TMEM170A: variants seen among roughly 807,000 people sequenced by gnomAD.
TMEM170A encodes transmembrane protein 170A.
Under a neutral mutation model 12.8 loss-of-function variants are expected in TMEM170A, and 18 were observed. The ratio of observed to expected loss-of-function variants is 1.41; its 90% CI spans 0.97 to 2.09. The LOEUF (loss-of-function observed/expected upper bound fraction) is 2.09, where lower values mean the gene tolerates loss of function less well. Ranked by LOEUF, TMEM170A falls within the 30% of genes most tolerant of loss-of-function variation. TMEM170A has a pLI of 0.00. For synonymous variants in TMEM170A, 107 were observed against 76.2 expected (o/e 1.40, Z -2.11); for missense variants, 220 against 179.9 (o/e 1.22, Z -1.28).
rs370034928 is a variant in TMEM170A, at chr16:75,463,822, A to C, written c.133+646T>G. ...CAACCCTCCTAGCAGGCCCAGCTCAAGCCGCAGCGGGGAGGAAGAGTTCAA... is the reference window on the plus strand; with the variant it reads ...CAACCCTCCTAGCAGGCCCAGCTCACGCCGCAGCGGGGAGGAAGAGTTCAA... On this transcript the variant is annotated intron_variant, in intron 1 of 2. Transcript: ENST00000561878. Among the ~76,000 whole-genome samples, 15 of 152,328 alleles carry C rather than the reference A, an allele frequency of 9.8e-5. No individual in the cohort carries two copies. The East Asian group carries it at 2.3e-3, about 23-fold the overall frequency.
intron 1 of TMEM170A, 93 bp downstream of exon 1, chr16:75,464,375 G>A: frequency 7.3e-7 from 1 of 1,378,614 alleles, no homozygotes; most frequent in Non-Finnish European, 9.4e-7. Flanking sequence ...CCAGCAGGCT[G>A]CGCACCCGGG....
At chr16:75,462,279 G>A (rs756020872) in intron 1 of TMEM170A, among the ~76,000 whole-genome samples, 78 of 152,202 alleles carry the variant, frequency 5.1e-4, no homozygotes, top group Non-Finnish European at 8.5e-4. Context: ...AAGTGCAGTG[G>A]CGCAATCTTG....
At chr16:75,458,116 C>T (rs1381516950) in intron 1 of TMEM170A, 1 of 152,192 alleles carries the variant, frequency 6.6e-6, no homozygotes, top group Non-Finnish European at 1.5e-5. Context: ...AAAACTCTCT[C>T]AAATCTTTGT....
At chr16:75,451,965 T>G in intron 1 of TMEM170A, 126 bp from the exon 2 acceptor site, 1 of 874,238 alleles carries the variant, frequency 1.1e-6, no homozygotes, top group South Asian at 2.0e-5. Context: ...TTTTGAAAAA[T>G]TTTTATTATT....
chr16:75,452,848 TAC>T (rs1199269879), intron 1 of TMEM170A, among the ~76,000 whole-genome samples: 1 of 152,248 alleles, frequency 6.6e-6, no homozygotes, highest in Non-Finnish European at 1.5e-5. Context: ...ACCTGTTTTT[TAC>T]ACACTTATCT....
intron 1 of TMEM170A, among the ~76,000 whole-genome samples, chr16:75,462,019 T>A (rs1006252830): frequency 2.6e-5 from 4 of 152,210 alleles, no homozygotes; most frequent in African/African-American, 7.2e-5. Flanking sequence ...TTCCAACTTA[T>A]GACCCTACAT....
intron 1 of TMEM170A, among the ~76,000 whole-genome samples, chr16:75,459,388 C>A (rs117653014): frequency 1.3e-5 from 2 of 152,166 alleles, no homozygotes; most frequent in Non-Finnish European, 2.9e-5. Context: ...CCCCAAATGG[C>A]AGCAATGCAA....
intron 2 of TMEM170A, chr16:75,451,340 A>C (rs2079677524): frequency 2.4e-6 from 1 of 413,464 alleles, no homozygotes; most frequent in Non-Finnish European, 4.3e-6. Context: ...GCTTGAGCTC[A>C]GGAGTTCGAG....
chr16:75,449,989 A>G lies in TMEM170A; in HGVS notation c.304+1680T>C, dbSNP rs374444525. Among the ~76,000 whole-genome samples, 6 of 152,294 alleles carry G rather than the reference A, an allele frequency of 3.9e-5. No homozygotes were observed. The East Asian group carries it at 1.2e-3, about 29-fold the overall frequency. On this transcript the variant is annotated intron_variant, in intron 2 of 2. Coordinates refer to ENST00000561878, the MANE Select transcript of TMEM170A (RefSeq NM_145254.3). ...ATACAACATTTATTCGACAATTACT[A>G]TGTGTCAGGTATTACATCATATACA...
chr16:75,445,974 A>C lies in TMEM170A; in HGVS notation c.*1584T>G, dbSNP rs2079578414. On this transcript the variant is annotated 3_prime_UTR_variant, in exon 3 of 3. Transcript: ENST00000561878. ...GGGTGGATCACAAGGTCAGGAGTTC[A>C]AGACCAGCCTGGGCAAGATGGTGAA... 1 of 152,054 alleles carries C rather than the reference A, an allele frequency of 6.6e-6. No homozygotes were observed. Among genetic ancestry groups the C allele is most frequent in the Non-Finnish European group, 1.5e-5 (1 of 68,024 alleles). 9.4% of individuals were successfully genotyped at this position (152,054 alleles called of 1,614,324 possible). A position where few individuals can be genotyped will look rare whatever the true frequency, so the allele number is the denominator to read the frequency against.
Position 75,445,469 on chromosome 16 carries a change from T to A in TMEM170A, c.*2089A>T, listed in dbSNP as rs975303311. On this transcript the variant is annotated 3_prime_UTR_variant, in exon 3 of 3. Transcript: ENST00000561878. The stretch of plus-strand genomic sequence containing the variant: ...AGGCCACGCCCAGCTAATTTTTTTT[T>A]ATTTTGTAGTAGAGACAAGGTCTCA... 6.6e-6 allele frequency: 1 copy of A among 152,088 alleles called. No homozygotes were observed. The highest frequency in any genetic ancestry group is 1.5e-5 in the Non-Finnish European group (1 of 68,042). 9.4% of individuals were successfully genotyped at this position (152,088 alleles called of 1,614,324 possible). A position where few individuals can be genotyped will look rare whatever the true frequency, so the allele number is the denominator to read the frequency against.
chr16:75,447,682 G>C lies in TMEM170A; in HGVS notation c.311C>G (p.Ala104Gly), dbSNP rs756078139. ...TGCTGCTCGGTAAACTCCAGCAATA[G>C]CTGCACCTGATTTAAAATGCAAGAA... ...PITAGILTSA[A>G]IAGVYRAAGK... is the part of the protein sequence containing the mutation. Residue 104 changes from alanine to glycine, a missense_variant, in exon 3 of 3, where the codon GCT becomes GGT. By Grantham distance (60) the Ala-to-Gly change is moderately conservative. Transcript: ENST00000561878. 1 of 1,586,540 alleles carries C rather than the reference G, an allele frequency of 6.3e-7. No individual in the cohort carries two copies. The highest frequency in any genetic ancestry group is 8.5e-7 in the Non-Finnish European group (1 of 1,170,190).
Position 75,448,968 on chromosome 16 carries a change from G to A in TMEM170A, c.305-1280C>T, listed in dbSNP as rs543636048. 2.0e-5 allele frequency among the ~76,000 whole-genome samples: 3 copies of A among 152,044 alleles called. No homozygotes were observed. In the South Asian group the frequency reaches 6.2e-4, roughly 32 times the overall value. On this transcript the variant is annotated intron_variant, in intron 2 of 2. Coordinates refer to ENST00000561878, the MANE Select transcript of TMEM170A (RefSeq NM_145254.3). ...CCTAGTTGCTTGGGTGGCTGAGGTA[G>A]GGGGATCACTTGAGCTAGGGAGGTC...
chr16:75,453,494 C>A (rs1419187296), intron 1 of TMEM170A, among the ~76,000 whole-genome samples: 1 of 152,140 alleles, frequency 6.6e-6, no homozygotes, highest in African/African-American at 2.4e-5. Context: ...GAGGCACAAG[C>A]CAAAGAGCCA....
intron 1 of TMEM170A, among the ~76,000 whole-genome samples, chr16:75,455,216 G>A (rs2079767926): frequency 1.3e-5 from 2 of 152,088 alleles, no homozygotes; most frequent in South Asian, 4.1e-4. Flanking sequence ...AATTAGCTGG[G>A]CAAGGCAGCG....
At chr16:75,458,545 T>C (rs1026625483) in intron 1 of TMEM170A, 1 of 152,206 alleles carries the variant, frequency 6.6e-6, no homozygotes, top group African/African-American at 2.4e-5. Context: ...CATCAGGGAA[T>C]GTACGTGGCC....
At position 75,447,541 on chromosome 16, in the gene TMEM170A, C is replaced by G; in HGVS notation, c.*17G>C. On this transcript the variant is annotated 3_prime_UTR_variant, in exon 3 of 3. Coordinates refer to ENST00000561878, the MANE Select transcript of TMEM170A (RefSeq NM_145254.3). Reference sequence around the variant, plus strand: ...TCCATAAAGTTTAAGTTCAACATCTCAGCATAAGGATGTATGCTATAGAGT... The same window carrying G: ...TCCATAAAGTTTAAGTTCAACATCTGAGCATAAGGATGTATGCTATAGAGT... 1 of 1,588,236 alleles carries G rather than the reference C, an allele frequency of 6.3e-7. No individual in the cohort carries two copies. Among genetic ancestry groups the G allele is most frequent in the Non-Finnish European group, 8.5e-7 (1 of 1,171,330 alleles).
chr16:75,464,691 C>T, upstream of TMEM170A: 1 of 1,474,760 alleles, frequency 6.8e-7, no homozygotes, highest in Admixed American at 2.8e-5. Flanking sequence ...CTCAGCGTCA[C>T]CTCCAGCCGG....
In TMEM170A at chr16:75,464,615, C is replaced by T. The variant is rs374849230; in HGVS notation, c.-15G>A. 145 of 1,577,498 alleles carry T rather than the reference C, an allele frequency of 9.2e-5. No homozygotes were observed. The highest frequency in any genetic ancestry group is 1.2e-4 in the Non-Finnish European group (139 of 1,165,414). ...TCGCGCTCCATCCCGTCGCCATTCACCACAGAGAAATGAGGGACGAGCGCC... is the reference window on the plus strand; with the variant it reads ...TCGCGCTCCATCCCGTCGCCATTCATCACAGAGAAATGAGGGACGAGCGCC... On this transcript the variant is annotated 5_prime_UTR_variant, in exon 1 of 3. It adds an upstream start codon to the 5' untranslated region. Transcript: ENST00000561878.
Sources: allele counts gnomAD v4.1 joint callset (sites outside exome capture counted in the v4.1 genomes callset), GRCh38; gene constraint gnomAD v4.1.1; transcripts MANE v1.5; gene names NCBI Gene and HGNC (gene_info 2026-07-23, HGNC 2026-07-21).